Variants in CELF2 observed in about 807,000 individuals in gnomAD.
CELF2 encodes the protein CUGBP Elav-like family member 2, also known as CUG triplet repeat RNA-binding protein 2.
A neutral mutation model predicts 62.6 loss-of-function variants in CELF2; 8 were observed. The ratio of observed to expected loss-of-function variants is 0.13; its 90% CI spans 0.07 to 0.23. The LOEUF is 0.23. Ranked by LOEUF, CELF2 falls within the 10% of genes least tolerant of loss-of-function variation. CELF2 has a pLI of 1.00. For missense variants in CELF2, 333 were observed against 671.0 expected, an observed-to-expected ratio of 0.50 and a Z score of 5.56; for synonymous variants, 258 against 250.0, an observed-to-expected ratio of 1.03 and a Z score of -0.30.
At chr10:10,600,792 T>C in the CELF2 span, among the ~76,000 whole-genome samples, 4 of 152,210 alleles carry the variant, frequency 2.6e-5, no homozygotes, top group Non-Finnish European at 5.9e-5. Context: ...GAGTAGAACA[T>C]ACTATATGGC....
intron 1 of CELF2, among the ~76,000 whole-genome samples, chr10:10,915,349 C>A (rs944099735): frequency 2.0e-5 from 3 of 152,148 alleles, no homozygotes; most frequent in Admixed American, 1.3e-4. Context: ...TTGGTGTGTG[C>A]CAGGCACTGA....
the CELF2 span, among the ~76,000 whole-genome samples, chr10:10,717,541 A>G: frequency 6.6e-6 from 1 of 152,164 alleles, no homozygotes; most frequent in East Asian, 1.9e-4. Flanking sequence ...TTCTCACGTA[A>G]ATGGAAATGA....
At chr10:11,081,837 A>G (rs1343158081) in intron 1 of CELF2, among the ~76,000 whole-genome samples, 1 of 152,216 alleles carries the variant, frequency 6.6e-6, no homozygotes, top group African/African-American at 2.4e-5. Flanking sequence ...CTTTCAGGAC[A>G]CATTCATCAC....
the CELF2 span, among the ~76,000 whole-genome samples, chr10:10,763,173 G>T: frequency 2.0e-5 from 3 of 152,162 alleles, no homozygotes; most frequent in Non-Finnish European, 4.4e-5. Context: ...GAGATAATGT[G>T]TGTGAAAAGA....
chr10:10,509,892 C>G, the CELF2 span, among the ~76,000 whole-genome samples: 1 of 152,186 alleles, frequency 6.6e-6, no homozygotes, highest in African/African-American at 2.4e-5. Context: ...CATCAACAAG[C>G]ACAACCATGA....
chr10:11,006,283 A>C (rs866158398), intron 1 of CELF2, among the ~76,000 whole-genome samples: 9 of 151,962 alleles, frequency 5.9e-5, no homozygotes, highest in Admixed American at 3.9e-4. Context: ...TATCTCCTAT[A>C]ATCTTGTTTG....
chr10:10,899,583 C>A (rs931450267), intron 1 of CELF2, among the ~76,000 whole-genome samples: 4 of 152,244 alleles, frequency 2.6e-5, no homozygotes, highest in African/African-American at 9.6e-5. Flanking sequence ...TAAAAACATT[C>A]TTAGCTTGCA....
chr10:10,551,560 G>C, the CELF2 span, among the ~76,000 whole-genome samples: 7 of 152,140 alleles, frequency 4.6e-5, no homozygotes, highest in Non-Finnish European at 7.4e-5. Context: ...ATTTTTATAA[G>C]GACTGGCTGA....
chr10:10,705,146 G>A, the CELF2 span, among the ~76,000 whole-genome samples: 6 of 151,984 alleles, frequency 3.9e-5, no homozygotes, highest in South Asian at 2.1e-4. Context: ...TGATCGTGCC[G>A]CTGCACTCTA....
At chr10:10,950,203 G>C (rs2048167629) in intron 2 of CELF2, among the ~76,000 whole-genome samples, 1 of 152,218 alleles carries the variant, frequency 6.6e-6, no homozygotes, top group Non-Finnish European at 1.5e-5. Context: ...GCCAGGGCCT[G>C]AACCGTGGTT....
the CELF2 span, among the ~76,000 whole-genome samples, chr10:10,633,593 CT>C: frequency 6.6e-6 from 1 of 152,146 alleles, no homozygotes; most frequent in Non-Finnish European, 1.5e-5. Flanking sequence ...TATTTTGTCA[CT>C]TTTTTGTCAC....
chr10:10,720,465 T>C, the CELF2 span, among the ~76,000 whole-genome samples: 79 of 152,284 alleles, frequency 5.2e-4, no homozygotes, highest in African/African-American at 1.4e-3. Flanking sequence ...ACAGTTTCTT[T>C]AGATATGAGA....
chr10:10,778,608 C>T, the CELF2 span, among the ~76,000 whole-genome samples: 42 of 152,270 alleles, frequency 2.8e-4, no homozygotes, highest in East Asian at 9.7e-4. Flanking sequence ...CACCTGTTTA[C>T]GTGTTTGCCT....
chr10:10,741,908 T>C, the CELF2 span, among the ~76,000 whole-genome samples: 1 of 152,240 alleles, frequency 6.6e-6, no homozygotes, highest in Non-Finnish European at 1.5e-5. Context: ...GTGTTGTTTG[T>C]CTAATGGTGA....
At chr10:10,773,154 T>C in the CELF2 span, among the ~76,000 whole-genome samples, 1 of 152,200 alleles carries the variant, frequency 6.6e-6, no homozygotes, top group African/African-American at 2.4e-5. Context: ...GGTGTTGATT[T>C]CTAAGGAAGA....
At chr10:10,920,632 C>T (rs1368742355) in intron 2 of CELF2, among the ~76,000 whole-genome samples, 2 of 151,322 alleles carry the variant, frequency 1.3e-5, no homozygotes, top group Non-Finnish European at 2.9e-5. Context: ...TAACAGAATG[C>T]AAGCTCTAAA....
intron 1 of CELF2, among the ~76,000 whole-genome samples, chr10:11,139,846 T>A (rs1023572202): frequency 2.6e-5 from 4 of 152,084 alleles, no homozygotes; most frequent in African/African-American, 9.7e-5. Context: ...TCAGTTTTTT[T>A]TTTTTTTTAT....
At chr10:10,964,408 G>A (rs1347746310) in intron 2 of CELF2, among the ~76,000 whole-genome samples, 2 of 152,176 alleles carry the variant, frequency 1.3e-5, no homozygotes, top group Non-Finnish European at 2.9e-5. Flanking sequence ...CCTTTAAGAT[G>A]TCATCTCGTG....
chr10:11,153,267 C>T (rs1046974843), intron 1 of CELF2, among the ~76,000 whole-genome samples: 11 of 152,028 alleles, frequency 7.2e-5, no homozygotes, highest in African/African-American at 2.2e-4. Context: ...TATTTTTTGA[C>T]AGGTTATACA....
Sources: gnomAD v4.1 joint callset for allele counts (sites outside exome capture counted in the v4.1 genomes callset) on GRCh38, gnomAD v4.1.1 for gene constraint, MANE v1.5 for transcripts, NCBI Gene and HGNC (gene_info 2026-07-23, HGNC 2026-07-21) for gene names.